PCYOX1: variants seen among roughly 807,000 people sequenced by gnomAD.
PCYOX1 encodes the protein prenylcysteine lyase.
Under a neutral mutation model 46.4 loss-of-function variants are expected in PCYOX1, and 46 were observed. The observed-to-expected ratio is 0.99, with a 90% CI of 0.78 to 1.27. The LOEUF (loss-of-function observed/expected upper bound fraction) is 1.27, where lower values mean the gene tolerates loss of function less well. Ranked by LOEUF, PCYOX1 falls within the 50% of genes most tolerant of loss-of-function variation. PCYOX1 has a pLI of 0.00. For missense variants in PCYOX1, 658 were observed against 628.3 expected (o/e 1.05, Z -0.51); for synonymous variants, 220 against 231.8 (o/e 0.95, Z 0.46).
chr2:70,260,913 G>A (rs1382292712), intron 2 of PCYOX1, among the ~76,000 whole-genome samples: 1 of 152,002 alleles, frequency 6.6e-6, no homozygotes, highest in Non-Finnish European at 1.5e-5. Flanking sequence ...GAATTCAGTT[G>A]GTACTCTGGC....
chr2:70,261,451 C>T (rs1696435421), intron 3 of PCYOX1, 65 bp downstream of exon 3: 1 of 1,109,858 alleles, frequency 9.0e-7, no homozygotes, highest in Non-Finnish European at 1.3e-6. Context: ...ACTTGATGAA[C>T]TTTAGGAATT....
chr2:70,275,993 G>T (rs549418079), intron 5 of PCYOX1, among the ~76,000 whole-genome samples: 1 of 150,608 alleles, frequency 6.6e-6, no homozygotes, highest in Non-Finnish European at 1.5e-5. Context: ...CCAGCTACTC[G>T]GGAGGCTGAG....
chr2:70,263,053 G>C (rs1290506503), intron 3 of PCYOX1, among the ~76,000 whole-genome samples: 1 of 151,964 alleles, frequency 6.6e-6, no homozygotes, highest in Admixed American at 6.6e-5. Flanking sequence ...GACCAACATG[G>C]TAAAACCCTG....
At chr2:70,260,218 C>T (rs868337532) in intron 2 of PCYOX1, among the ~76,000 whole-genome samples, 1 of 152,164 alleles carries the variant, frequency 6.6e-6, no homozygotes, top group Admixed American at 6.5e-5. Flanking sequence ...AAATGAGACC[C>T]AGAGACTTGA....
chr2:70,263,287 A>G (rs1243766749), intron 3 of PCYOX1, among the ~76,000 whole-genome samples: 1 of 151,878 alleles, frequency 6.6e-6, no homozygotes, highest in East Asian at 1.9e-4. Flanking sequence ...AACTCATGGT[A>G]GTTTGGGGTT....
In PCYOX1 at chr2:70,280,782, AGT is replaced by A. The variant is rs1192895787; in HGVS notation, c.*3392_*3393del. 1.3e-5 allele frequency: 2 copies of A among 152,190 alleles called. No homozygotes were observed. Among genetic ancestry groups the A allele is most frequent in the African/African-American group, 4.8e-5 (2 of 41,440 alleles). The allele number at this position is 152,190 out of a possible 1,614,324, so 9.4% of individuals were successfully genotyped here. ...CTATAATTAGGAAATGCCATTTAAG[AGT>A]GAGAGAGGTATATATCTATGAGCCA... On this transcript the variant is annotated 3_prime_UTR_variant, in exon 6 of 6. Coordinates refer to ENST00000433351, the MANE Select transcript of PCYOX1 (RefSeq NM_016297.4).
intron 5 of PCYOX1, 31 bp from the exon 6 acceptor site, chr2:70,276,703 A>G: frequency 7.5e-7 from 1 of 1,332,796 alleles, no homozygotes; most frequent in South Asian, 1.4e-5. Context: ...TAGAAACACT[A>G]AACAAATATA....
intron 3 of PCYOX1, among the ~76,000 whole-genome samples, chr2:70,262,573 T>C (rs56833582): frequency 0.086 from 12,262 of 141,790 alleles, 513 homozygotes; most frequent in East Asian, 0.19. Context: ...TCTGCCTCCC[T>C]GGTTCAAGCG....
intron 1 of PCYOX1, among the ~76,000 whole-genome samples, chr2:70,259,118 G>A (rs1264583113): frequency 6.6e-6 from 1 of 152,108 alleles, no homozygotes; most frequent in Non-Finnish European, 1.5e-5. Context: ...GAATCTTTGG[G>A]CATCTGGAAA....
intron 2 of PCYOX1, among the ~76,000 whole-genome samples, chr2:70,260,027 C>T (rs1696414489): frequency 6.6e-6 from 1 of 152,114 alleles, no homozygotes; most frequent in South Asian, 2.1e-4. Flanking sequence ...TGTTGGCCAG[C>T]TGGTCTTGAA....
intron 3 of PCYOX1, among the ~76,000 whole-genome samples, chr2:70,271,791 G>T (rs34015333): frequency 6.6e-6 from 1 of 151,816 alleles, no homozygotes; most frequent in Non-Finnish European, 1.5e-5. Context: ...AAATAGGTAC[G>T]TATCAACCAC....
intron 3 of PCYOX1, 68 bp downstream of exon 3, chr2:70,261,454 T>C (rs1409654111): frequency 1.8e-6 from 2 of 1,094,842 alleles, no homozygotes; most frequent in African/African-American, 1.6e-5. Context: ...TGATGAACTT[T>C]AGGAATTATG....
chr2:70,273,847 C>CGA (rs1559037185), intron 3 of PCYOX1, among the ~76,000 whole-genome samples: 1 of 152,136 alleles, frequency 6.6e-6, no homozygotes, highest in East Asian at 1.9e-4. Flanking sequence ...TAGAAAGCAT[C>CGA]TAATTGTTGA....
chr2:70,266,258 G>A (rs906159860), intron 3 of PCYOX1, among the ~76,000 whole-genome samples: 54 of 152,192 alleles, frequency 3.5e-4, no homozygotes, highest in Middle Eastern at 6.8e-3. Context: ...GGTAGTAGGA[G>A]ATGTGATGAT....
At chr2:70,270,007 T>G (rs113920390) in intron 3 of PCYOX1, among the ~76,000 whole-genome samples, 16 of 152,256 alleles carry the variant, frequency 1.1e-4, no homozygotes, top group African/African-American at 3.9e-4. Flanking sequence ...CTTTCTTTCT[T>G]TCTTTCGACG....
chr2:70,269,914 T>A (rs1301063637), intron 3 of PCYOX1, among the ~76,000 whole-genome samples: 2 of 152,208 alleles, frequency 1.3e-5, no homozygotes, highest in Non-Finnish European at 2.9e-5. Context: ...TTCTCTCCAG[T>A]GGCTTCTAGC....
At chr2:70,263,464 C>T (rs1696468778) in intron 3 of PCYOX1, among the ~76,000 whole-genome samples, 1 of 152,052 alleles carries the variant, frequency 6.6e-6, no homozygotes, top group Admixed American at 6.6e-5. Flanking sequence ...GAGTATAGGA[C>T]CTACAACATG....
At chr2:70,259,157 T>C (rs556771807) in intron 1 of PCYOX1, among the ~76,000 whole-genome samples, 41 of 152,214 alleles carry the variant, frequency 2.7e-4, no homozygotes, top group Non-Finnish European at 4.4e-4. Flanking sequence ...AATATGTTAA[T>C]TAATCTACTG....
At chr2:70,265,752 C>T (rs1326395525) in intron 3 of PCYOX1, among the ~76,000 whole-genome samples, 1 of 152,142 alleles carries the variant, frequency 6.6e-6, no homozygotes, top group African/African-American at 2.4e-5. Flanking sequence ...AAAGCTTATT[C>T]TTCTCTCTCA....
Sources: allele counts gnomAD v4.1 joint callset (sites outside exome capture counted in the v4.1 genomes callset), GRCh38; gene constraint gnomAD v4.1.1; transcripts MANE v1.5; gene names NCBI Gene and HGNC (gene_info 2026-07-23, HGNC 2026-07-21).